Variants in SLC9A9 observed in about 807,000 individuals in gnomAD.
SLC9A9 encodes solute carrier family 9 member A9, also known as sodium/hydrogen exchanger 9.
A neutral mutation model predicts 77.8 loss-of-function variants in SLC9A9; 62 were observed. The observed-to-expected ratio is 0.80, with a 90% CI of 0.65 to 0.98. The LOEUF (loss-of-function observed/expected upper bound fraction) is 0.98, where lower values mean the gene tolerates loss of function less well. SLC9A9 is among the 50% of genes least tolerant of loss of function. SLC9A9 has a pLI of 0.00. For synonymous variants in SLC9A9, 320 were observed against 283.5 expected (o/e 1.13, Z -1.29); for missense variants, 775 against 774.9 (o/e 1.00, Z 0.00).
At chr3:143,553,949 G>A (rs1011007683) in intron 8 of SLC9A9, among the ~76,000 whole-genome samples, 7 of 152,174 alleles carry the variant, frequency 4.6e-5, no homozygotes, top group Non-Finnish European at 7.3e-5. Context: ...GTACTTCAAA[G>A]CACAAGGAGG....
chr3:143,512,252 T>A (rs67623556), intron 9 of SLC9A9, among the ~76,000 whole-genome samples: 1 of 152,056 alleles, frequency 6.6e-6, no homozygotes, highest in Non-Finnish European at 1.5e-5. Flanking sequence ...GTAATAAAAC[T>A]TTATAGGATC....
chr3:143,791,953 A>T (rs2008237072), intron 4 of SLC9A9, among the ~76,000 whole-genome samples: 2 of 152,200 alleles, frequency 1.3e-5, no homozygotes, highest in Admixed American at 1.3e-4. Flanking sequence ...TTTTGGTGCT[A>T]ATATTCAACA....
At chr3:143,681,569 T>C (rs1395540070) in intron 5 of SLC9A9, among the ~76,000 whole-genome samples, 2 of 152,244 alleles carry the variant, frequency 1.3e-5, no homozygotes, top group Non-Finnish European at 2.9e-5. Flanking sequence ...GAATATATTG[T>C]TGAACAGAAT....
chr3:143,700,686 C>G (rs866049618), intron 4 of SLC9A9, among the ~76,000 whole-genome samples: 1 of 152,232 alleles, frequency 6.6e-6, no homozygotes, highest in African/African-American at 2.4e-5. Flanking sequence ...GATTTTGACT[C>G]TAGTACCTGG....
chr3:143,388,313 T>C (rs889057352), intron 12 of SLC9A9, among the ~76,000 whole-genome samples: 3 of 152,206 alleles, frequency 2.0e-5, no homozygotes, highest in Non-Finnish European at 4.4e-5. Context: ...TTTTGGGAAA[T>C]AAGAAAATGA....
chr3:143,702,516 A>G (rs1426653049), intron 4 of SLC9A9, among the ~76,000 whole-genome samples: 1 of 151,860 alleles, frequency 6.6e-6, no homozygotes. Context: ...ATGAGTTACA[A>G]GATAGTATTT....
At chr3:143,719,050 T>C (rs1041389290) in intron 4 of SLC9A9, among the ~76,000 whole-genome samples, 2 of 152,228 alleles carry the variant, frequency 1.3e-5, no homozygotes, top group Middle Eastern at 3.2e-3. Context: ...AACGGATAAA[T>C]GGAACGTTAA....
chr3:143,708,375 A>G (rs944673402), intron 4 of SLC9A9, among the ~76,000 whole-genome samples: 2 of 152,192 alleles, frequency 1.3e-5, no homozygotes, highest in Non-Finnish European at 1.5e-5. Flanking sequence ...TAAAGGCACC[A>G]TGTACCTCAA....
At chr3:143,780,295 A>C (rs1379008137) in intron 4 of SLC9A9, among the ~76,000 whole-genome samples, 2 of 152,228 alleles carry the variant, frequency 1.3e-5, no homozygotes, top group African/African-American at 4.8e-5. Context: ...TAGCCCAATT[A>C]GTAAAAGGTG....
intron 1 of SLC9A9, among the ~76,000 whole-genome samples, chr3:143,841,108 C>G (rs1372166430): frequency 6.6e-6 from 1 of 152,136 alleles, no homozygotes; most frequent in Non-Finnish European, 1.5e-5. Context: ...AAGTTGAGTA[C>G]AGCCCTGTTG....
At chr3:143,591,790 C>T (rs898578884) in intron 6 of SLC9A9, among the ~76,000 whole-genome samples, 1 of 152,112 alleles carries the variant, frequency 6.6e-6, no homozygotes, top group African/African-American at 2.4e-5. Context: ...CCTTGAAGTA[C>T]CAAGAGGATG....
At chr3:143,837,432 C>T (rs2009594481) in intron 1 of SLC9A9, among the ~76,000 whole-genome samples, 1 of 152,174 alleles carries the variant, frequency 6.6e-6, no homozygotes, top group Non-Finnish European at 1.5e-5. Context: ...TTTTGCAGTT[C>T]TTTCACTCTC....
At chr3:143,320,127 C>T (rs574602701) in intron 14 of SLC9A9, among the ~76,000 whole-genome samples, 3 of 152,296 alleles carry the variant, frequency 2.0e-5, no homozygotes, top group Admixed American at 1.3e-4. Flanking sequence ...AGTTATTTTG[C>T]TTGTTTGCTT....
At chr3:143,517,277 C>A (rs1175147628) in intron 9 of SLC9A9, 1 of 1,267,452 alleles carries the variant, frequency 7.9e-7, no homozygotes, top group African/African-American at 1.5e-5. Context: ...CTCTGGATCA[C>A]TAAGAATTTC....
chr3:143,681,342 A>T (rs1415376420), intron 5 of SLC9A9, among the ~76,000 whole-genome samples: 2 of 152,204 alleles, frequency 1.3e-5, no homozygotes, highest in Non-Finnish European at 2.9e-5. Flanking sequence ...GCCGCATATT[A>T]TTAAATGTCT....
chr3:143,493,770 G>T lies in SLC9A9; in HGVS notation c.1204-6C>A. ...CTGGCAACAAAAATTGCTAGCTGTA[G>T]ATAAGCACAGGGAAACATTGAGGAA... On this transcript the variant is annotated splice_region_variant and splice_polypyrimidine_tract_variant and intron_variant, in intron 10 of 15. Transcript: ENST00000316549. 1 of 1,587,388 alleles carries T rather than the reference G, an allele frequency of 6.3e-7. No homozygotes were observed. The highest frequency in any genetic ancestry group is 1.1e-5 in the South Asian group (1 of 90,518).
rs144489478 is a variant in SLC9A9, at chr3:143,422,222, G to T, written c.1470-40108C>A. Among the ~76,000 whole-genome samples, 48 of 152,140 alleles carry T rather than the reference G, an allele frequency of 3.2e-4. No individual in the cohort carries two copies. In the East Asian group the frequency reaches 8.5e-3, roughly 27 times the overall value. Reference sequence around the variant, plus strand: ...AGAACTTAAGACAGAACTACCAAATGGTTATCCCAGCAATCCTGTTACTAG... The same window carrying T: ...AGAACTTAAGACAGAACTACCAAATTGTTATCCCAGCAATCCTGTTACTAG... On this transcript the variant is annotated intron_variant, in intron 12 of 15. Coordinates refer to ENST00000316549, the MANE Select transcript of SLC9A9 (RefSeq NM_173653.4).
intron 5 of SLC9A9, among the ~76,000 whole-genome samples, chr3:143,685,739 C>T (rs996913923): frequency 1.3e-5 from 2 of 152,134 alleles, no homozygotes; most frequent in Non-Finnish European, 2.9e-5. Context: ...ATGCAATGTG[C>T]TGAGTTCTTC....
intron 9 of SLC9A9, chr3:143,518,145 G>A (rs539833694): frequency 8.1e-5 from 129 of 1,600,278 alleles, no homozygotes; most frequent in Middle Eastern, 3.3e-4. Flanking sequence ...CTCAGGAAGC[G>A]CATTTCCTCG....
Sources: allele counts gnomAD v4.1 joint callset (sites outside exome capture counted in the v4.1 genomes callset), GRCh38; gene constraint gnomAD v4.1.1; transcripts MANE v1.5; gene names NCBI Gene and HGNC (gene_info 2026-07-23, HGNC 2026-07-21).